LRMDA: variants seen among roughly 807,000 people sequenced by gnomAD.
LRMDA encodes leucine-rich melanocyte differentiation-associated protein.
Under a neutral mutation model 29.8 loss-of-function variants are expected in LRMDA, and 18 were observed. The observed-to-expected ratio is 0.60, with a 90% CI of 0.42 to 0.90. LRMDA has a LOEUF of 0.90. Among genes scored for constraint, LRMDA ranks in the 40% least tolerant of loss-of-function variants. The pLI, the probability that LRMDA is intolerant of heterozygous loss-of-function variation, is 0.00. For synonymous variants in LRMDA, 125 were observed against 109.4 expected, an observed-to-expected ratio of 1.14 and a Z score of -0.89; for missense variants, 273 against 273.9, an observed-to-expected ratio of 1.00 and a Z score of 0.02.
chr10:75,472,594 G>T (rs1844739378), intron 2 of LRMDA, among the ~76,000 whole-genome samples: 1 of 152,188 alleles, frequency 6.6e-6, no homozygotes, highest in Non-Finnish European at 1.5e-5. Context: ...TCATTCAATG[G>T]TTATTGAGTT....
At chr10:75,462,821 G>A (rs1356844235) in intron 2 of LRMDA, among the ~76,000 whole-genome samples, 1 of 152,172 alleles carries the variant, frequency 6.6e-6, no homozygotes, top group Non-Finnish European at 1.5e-5. Flanking sequence ...AACATTCCAG[G>A]TAGGATTCTG....
At chr10:75,858,453 T>C (rs560325273) in intron 2 of LRMDA, among the ~76,000 whole-genome samples, 1 of 152,284 alleles carries the variant, frequency 6.6e-6, no homozygotes, top group South Asian at 2.1e-4. Context: ...CCAAACTAGG[T>C]GGGACTCTGT....
chr10:76,321,540 T>C (rs1824423288), intron 5 of LRMDA, among the ~76,000 whole-genome samples: 1 of 152,210 alleles, frequency 6.6e-6, no homozygotes, highest in Non-Finnish European at 1.5e-5. Flanking sequence ...TTCTTTTTTT[T>C]TTTTTAAATT....
chr10:75,522,603 T>C (rs1465465281), intron 2 of LRMDA, among the ~76,000 whole-genome samples: 1 of 152,180 alleles, frequency 6.6e-6, no homozygotes, highest in African/African-American at 2.4e-5. Context: ...CAGATTGTCC[T>C]AGTCACCCAT....
At chr10:76,395,524 G>A (rs1873463) in intron 6 of LRMDA, among the ~76,000 whole-genome samples, 139,411 of 152,254 alleles carry the variant, frequency 0.92, 64,559 homozygotes, top group Middle Eastern at 0.99. Context: ...AACACTGACA[G>A]TAGTCACTGA....
chr10:76,505,776 C>T (rs1842953359), intron 6 of LRMDA, among the ~76,000 whole-genome samples: 2 of 152,138 alleles, frequency 1.3e-5, no homozygotes, highest in Non-Finnish European at 2.9e-5. Context: ...TCATTTCAAA[C>T]TGATTGGATA....
intron 2 of LRMDA, among the ~76,000 whole-genome samples, chr10:75,648,425 G>GT: frequency 6.6e-6 from 1 of 152,074 alleles, no homozygotes; most frequent in Non-Finnish European, 1.5e-5. Flanking sequence ...TTTTTTTCCT[G>GT]TGTCCTATTT....
intron 5 of LRMDA, among the ~76,000 whole-genome samples, chr10:76,321,033 T>C (rs987387930): frequency 1.3e-5 from 2 of 152,044 alleles, no homozygotes; most frequent in African/African-American, 4.8e-5. Context: ...TTCTCTTAAA[T>C]ACTAAATATT....
intron 5 of LRMDA, among the ~76,000 whole-genome samples, chr10:76,248,114 C>T (rs1852408812): frequency 1.3e-5 from 2 of 152,124 alleles, no homozygotes; most frequent in South Asian, 2.1e-4. Context: ...GACAGTGGCT[C>T]TCAATTGGGA....
At chr10:76,329,480 G>A (rs540850102) in intron 6 of LRMDA, among the ~76,000 whole-genome samples, 4 of 152,172 alleles carry the variant, frequency 2.6e-5, no homozygotes, top group African/African-American at 9.7e-5. Flanking sequence ...AACTTGAAAT[G>A]TGTAAAAGAA....
At chr10:75,830,838 C>T (rs975116003) in intron 2 of LRMDA, among the ~76,000 whole-genome samples, 2 of 152,194 alleles carry the variant, frequency 1.3e-5, no homozygotes, top group Admixed American at 1.3e-4. Context: ...TTAGCATTAA[C>T]TCAAAAGTCC....
rs967393989 is a variant in LRMDA at position 75,972,548 on chromosome 10, CTTTTT to C, written c.132-63455_132-63451del. Reference sequence around the variant, plus strand: ...TATAGCAGCTGTCTGAGAATTTTCTCTTTTTTTTTACTGTTATCTTTTCTCTCTTT... The same window carrying C: ...TATAGCAGCTGTCTGAGAATTTTCTCTTTTACTGTTATCTTTTCTCTCTTT... On this transcript the variant is annotated intron_variant, in intron 2 of 6. Coordinates refer to ENST00000611255, the MANE Select transcript of LRMDA (RefSeq NM_001305581.2). 2.6e-5 allele frequency among the ~76,000 whole-genome samples: 4 copies of C among 151,456 alleles called. No homozygotes were observed. In the South Asian group the frequency reaches 8.4e-4, roughly 32 times the overall value.
At chr10:75,666,293 C>T (rs1414949741) in intron 2 of LRMDA, among the ~76,000 whole-genome samples, 1 of 151,892 alleles carries the variant, frequency 6.6e-6, no homozygotes, top group Non-Finnish European at 1.5e-5. Context: ...TGATACATTA[C>T]TCCTTGTACT....
chr10:76,106,850 C>T (rs982323402), intron 5 of LRMDA, among the ~76,000 whole-genome samples: 3 of 152,196 alleles, frequency 2.0e-5, no homozygotes, highest in African/African-American at 7.2e-5. Flanking sequence ...AGCAGAAATA[C>T]ATCATCTCCC....
chr10:75,980,306 G>A (rs1303024566), intron 2 of LRMDA, among the ~76,000 whole-genome samples: 1 of 152,224 alleles, frequency 6.6e-6, no homozygotes, highest in Non-Finnish European at 1.5e-5. Flanking sequence ...ACACTGGTGA[G>A]TGATCAGTCA....
intron 2 of LRMDA, among the ~76,000 whole-genome samples, chr10:75,748,257 C>A (rs957247390): frequency 6.6e-6 from 1 of 152,104 alleles, no homozygotes; most frequent in African/African-American, 2.4e-5. Flanking sequence ...CCACACCTGG[C>A]TAATTTTTGT....
chr10:75,785,529 G>A (rs2132247007), intron 2 of LRMDA, among the ~76,000 whole-genome samples: 1 of 152,346 alleles, frequency 6.6e-6, no homozygotes, highest in South Asian at 2.1e-4. Flanking sequence ...TCTCTGGCTT[G>A]CAATGCTCTT....
At chr10:76,141,623 CCAA>C (rs1850202799) in intron 5 of LRMDA, among the ~76,000 whole-genome samples, 1 of 152,040 alleles carries the variant, frequency 6.6e-6, no homozygotes, top group South Asian at 2.1e-4. Context: ...TCCAGCCATT[CCAA>C]ATTAGTTTTG....
At chr10:76,324,262 G>A in intron 5 of LRMDA, 139 bp from the exon 6 acceptor site, 1 of 775,636 alleles carries the variant, frequency 1.3e-6, no homozygotes, top group Non-Finnish European at 2.2e-6. Context: ...AACAAAAACA[G>A]CTCTTGCTTC....
Sources: allele counts gnomAD v4.1 joint callset (sites outside exome capture counted in the v4.1 genomes callset), GRCh38; gene constraint gnomAD v4.1.1; transcripts MANE v1.5; gene names NCBI Gene and HGNC (gene_info 2026-07-23, HGNC 2026-07-21).